The following CD276 variants were observed in gnomAD, a reference collection of about 807,000 sequenced individuals.
CD276 encodes the protein CD276 antigen.
In CD276, 34 loss-of-function variants were observed where a neutral mutation model predicts 50.0. The ratio of observed to expected loss-of-function variants is 0.68; its 90% CI spans 0.52 to 0.91. CD276 has a LOEUF of 0.91. Among genes scored for constraint, CD276 ranks in the 40% least tolerant of loss-of-function variants. CD276 has a pLI of 0.00. For synonymous variants in CD276, 275 were observed against 313.0 expected (o/e 0.88, Z 1.28); for missense variants, 634 against 717.5 (o/e 0.88, Z 1.33).
At chr15:73,699,218 G>A (rs1596009605) in intron 1 of CD276, among the ~76,000 whole-genome samples, 1 of 152,190 alleles carries the variant, frequency 6.6e-6, no homozygotes, top group South Asian at 2.1e-4. Context: ...CCCCACAGGA[G>A]CTCCTGCTCT....
intron 4 of CD276, 33 bp downstream of exon 4, chr15:73,703,119 G>A: frequency 1.9e-6 from 3 of 1,540,326 alleles, no homozygotes; most frequent in Admixed American, 3.9e-5. Flanking sequence ...TTGGGGGAGG[G>A]GGGTTCTGCT....
upstream of CD276, chr15:73,684,292 G>A (rs1899644493): frequency 6.6e-6 from 1 of 151,976 alleles, no homozygotes; most frequent in African/African-American, 2.4e-5. Context: ...CGGCCTCAGG[G>A]ACGCACCGGA....
At position 73,691,651 on chromosome 15, in the gene CD276, C is replaced by T. The variant is rs139182659; in HGVS notation, c.-55+7191C>T. Among the ~76,000 whole-genome samples, 1,436 of 152,238 alleles carry T rather than the reference C, an allele frequency of 9.4e-3. 26 individuals carry two copies. The highest frequency in any genetic ancestry group is 0.033 in the African/African-American group (1,357 of 41,534). ...ATGGACTGGGCTCCCTGCAGGAGTG[C>T]GGAGCCTTGCTACCAGAAGGGGCCA... is the stretch of plus-strand genomic sequence containing the variant. On this transcript the variant is annotated intron_variant, in intron 1 of 9. Coordinates refer to ENST00000318443, the MANE Select transcript of CD276 (RefSeq NM_001024736.2).
At chr15:73,699,530 G>A (rs111231981) in intron 1 of CD276, 56 bp from the exon 2 acceptor site, 19 of 1,538,884 alleles carry the variant, frequency 1.2e-5, no homozygotes, top group African/African-American at 9.6e-5. Context: ...GATGAGGCAA[G>A]AGATGGTCTG....
chr15:73,705,404 C>T (rs955369318), intron 6 of CD276, among the ~76,000 whole-genome samples: 3 of 152,152 alleles, frequency 2.0e-5, no homozygotes, highest in Non-Finnish European at 4.4e-5. Flanking sequence ...CCTCTTGAGA[C>T]CTATGTGGTC....
At chr15:73,707,919 C>T (rs563021960) in intron 6 of CD276, among the ~76,000 whole-genome samples, 1 of 152,296 alleles carries the variant, frequency 6.6e-6, no homozygotes, top group South Asian at 2.1e-4. Context: ...CTGGAAGGAG[C>T]CAGTTGCTTC....
At chr15:73,708,208 A>G (rs1199504934) in intron 6 of CD276, 131 bp from the exon 7 acceptor site, 5 of 954,944 alleles carry the variant, frequency 5.2e-6, no homozygotes, top group Non-Finnish European at 7.8e-6. Flanking sequence ...TAGGAACTTA[A>G]GTGAGCTTTA....
At chr15:73,703,602 G>A in intron 4 of CD276, 57 bp from the exon 5 acceptor site, 1 of 1,366,828 alleles carries the variant, frequency 7.3e-7, no homozygotes, top group Admixed American at 2.3e-5. Flanking sequence ...GACTCGGGTG[G>A]TAGCCTAGAG....
At chr15:73,689,188 C>CTCTGTG (rs1555417295) in intron 1 of CD276, among the ~76,000 whole-genome samples, 3 of 142,714 alleles carry the variant, frequency 2.1e-5, no homozygotes, top group East Asian at 4.2e-4. Context: ...TCTGTGCCTC[C>CTCTGTG]TGTGTGTGTG....
rs1294270521 is a variant in CD276 at position 73,709,854 on chromosome 15, G to T, written c.1546+165G>T. On this transcript the variant is annotated intron_variant, in intron 8 of 9. Coordinates refer to ENST00000318443, the MANE Select transcript of CD276 (RefSeq NM_001024736.2). ...CCGGTGAGTCTGCTCTTTGCCCAGA[G>T]TTAGGCAGGAAGTGGATCACCCAGT... Among the ~76,000 whole-genome samples the T allele has an allele frequency of 2.0e-5, 3 of 152,350 alleles. No individual in the cohort carries two copies. In the East Asian group the frequency reaches 5.8e-4, roughly 29 times the overall value.
intron 1 of CD276, chr15:73,697,531 T>C (rs1047448800): frequency 6.6e-6 from 1 of 152,230 alleles, no homozygotes; most frequent in Non-Finnish European, 1.5e-5. Flanking sequence ...ACTGGCAAAT[T>C]ACTTGACATT....
intron 1 of CD276, among the ~76,000 whole-genome samples, chr15:73,695,092 A>T (rs1265157534): frequency 6.6e-6 from 1 of 152,206 alleles, no homozygotes; most frequent in African/African-American, 2.4e-5. Context: ...TTTCAGTGGG[A>T]ACTGTGTGGC....
intron 7 of CD276, chr15:73,708,811 G>A: frequency 5.7e-6 from 2 of 348,494 alleles, no homozygotes; most frequent in Non-Finnish European, 1.1e-5. Context: ...TGAGAGAGCA[G>A]GCCAGAGCAT....
In CD276 at chr15:73,698,535, T is replaced by C. The variant is rs148902029; in HGVS notation, c.-54-1051T>C. On this transcript the variant is annotated intron_variant, in intron 1 of 9. Transcript: ENST00000318443. ...CATTTATTCCACCACTATACCTTCC[T>C]ACAGGGATGGCTATATTAGCCTCTT... Among the ~76,000 whole-genome samples, 312 of 152,296 alleles carry C rather than the reference T, an allele frequency of 2.0e-3. 1 individual carries two copies. The highest frequency in any genetic ancestry group is 7.3e-3 in the African/African-American group (303 of 41,566).
intron 1 of CD276, among the ~76,000 whole-genome samples, chr15:73,689,360 G>C (rs11072430): frequency 6.6e-6 from 1 of 151,802 alleles, no homozygotes; most frequent in Non-Finnish European, 1.5e-5. Flanking sequence ...CACAGAAATC[G>C]CTTGGAGAGG....
rs570659298 is a variant in CD276 at position 73,687,058 on chromosome 15, T to C, written c.-55+2598T>C. ...AGGGGAGGGGGAGAGGGGTGAGGAC[T>C]GGTCCACATGATTTTTGAGAAATTG... On this transcript the variant is annotated intron_variant, in intron 1 of 9. Coordinates refer to ENST00000318443, the MANE Select transcript of CD276 (RefSeq NM_001024736.2). This position sits in a 1 kb window ranked among gnomAD's most constrained non-coding sequence, Gnocchi z 4.0. Among the ~76,000 whole-genome samples the C allele has an allele frequency of 5.9e-5, 9 of 152,234 alleles. No homozygotes were observed. The highest frequency in any genetic ancestry group is 1.0e-4 in the Non-Finnish European group (7 of 67,992).
intron 1 of CD276, among the ~76,000 whole-genome samples, chr15:73,688,540 G>T (rs1311574469): frequency 1.3e-5 from 2 of 152,192 alleles, no homozygotes; most frequent in Non-Finnish European, 2.9e-5. Flanking sequence ...GCTGTACCCT[G>T]GGCAGGCAAG....
chr15:73,694,537 C>A (rs1567014714), intron 1 of CD276, among the ~76,000 whole-genome samples: 1 of 152,188 alleles, frequency 6.6e-6, no homozygotes. Flanking sequence ...TTATTTCTCA[C>A]CCATGTGACC....
intron 7 of CD276, chr15:73,708,718 G>A: frequency 3.8e-6 from 2 of 533,176 alleles, no homozygotes; most frequent in East Asian, 3.3e-5. Context: ...GGAAGGTGGT[G>A]GGAGTGTAAG....
Sources: allele counts gnomAD v4.1 joint callset (sites outside exome capture counted in the v4.1 genomes callset), GRCh38; gene constraint gnomAD v4.1.1; non-coding constraint Gnocchi (gnomAD v3.1); transcripts MANE v1.5; gene names NCBI Gene and HGNC (gene_info 2026-07-23, HGNC 2026-07-21).